Variants in NAT1 observed in about 807,000 individuals in gnomAD.
NAT1 encodes the protein N-acetyltransferase 1, also known as arylamine N-acetyltransferase 1.
For synonymous variants in NAT1, 144 were observed against 122.6 expected (o/e 1.17, Z -1.16); for missense variants, 400 against 339.2 (o/e 1.18, Z -1.41).
chr8:18,195,589 A>G (rs539136503), intron 2 of NAT1, among the ~76,000 whole-genome samples: 15 of 152,286 alleles, frequency 9.8e-5, no homozygotes, highest in African/African-American at 2.9e-4. Context: ...TGACTGGCAG[A>G]CTTACTTTTT....
chr8:18,193,636 T>A (rs1803111872), intron 2 of NAT1, among the ~76,000 whole-genome samples: 1 of 130,604 alleles, frequency 7.7e-6, no homozygotes, highest in African/African-American at 2.9e-5. Context: ...ACCTGCTTTT[T>A]TTTTTTTTTT....
chr8:18,222,097 AC>A lies in NAT1; in HGVS notation c.51del (p.Asn17LysfsTer8), dbSNP rs771386017. On this transcript the variant is annotated frameshift_variant, in exon 3 of 3. Coordinates refer to ENST00000307719, the MANE Select transcript of NAT1 (RefSeq NM_000662.8). LOFTEE classifies it low-confidence loss of function (END_TRUNC). The part of the protein sequence containing the change: ...LERIGYKKSR[N>X]KLDLETLTDI... Reference sequence around the variant, plus strand: ...AGAATTGGCTATAAGAAGTCTAGGAACAAATTGGACTTGGAAACATTAACTG... The same window carrying A: ...AGAATTGGCTATAAGAAGTCTAGGAAAAATTGGACTTGGAAACATTAACTG... 6.2e-7 allele frequency: 1 copy of A among 1,614,172 alleles called. No homozygotes were observed. The highest frequency in any genetic ancestry group is 1.7e-5 in the Admixed American group (1 of 60,026).
intron 2 of NAT1, among the ~76,000 whole-genome samples, chr8:18,184,216 C>G (rs905907367): frequency 5.3e-5 from 8 of 152,208 alleles, no homozygotes; most frequent in Non-Finnish European, 1.2e-4. Flanking sequence ...CTATGTGAGC[C>G]TGCAGAATTA....
intron 2 of NAT1, among the ~76,000 whole-genome samples, chr8:18,182,163 C>G (rs1802548231): frequency 6.6e-6 from 1 of 152,130 alleles, no homozygotes; most frequent in Non-Finnish European, 1.5e-5. Context: ...ACTGTGATAG[C>G]TCACCTGATT....
chr8:18,171,582 T>A (rs1802098352), intron 2 of NAT1, among the ~76,000 whole-genome samples: 1 of 152,134 alleles, frequency 6.6e-6, no homozygotes, highest in South Asian at 2.1e-4. Flanking sequence ...GTTGAAAACC[T>A]CTTACATTTA....
At chr8:18,174,250 G>A (rs1363045609) in intron 2 of NAT1, among the ~76,000 whole-genome samples, 2 of 152,126 alleles carry the variant, frequency 1.3e-5, no homozygotes, top group African/African-American at 4.8e-5. Flanking sequence ...TTCAGTGACT[G>A]GACTTATATC....
intron 2 of NAT1, among the ~76,000 whole-genome samples, chr8:18,190,713 G>T (rs941516595): frequency 2.6e-5 from 4 of 152,052 alleles, no homozygotes; most frequent in Non-Finnish European, 5.9e-5. Flanking sequence ...AAGCAAGCTG[G>T]CCCTGACATC....
At chr8:18,186,745 C>T (rs184271181) in intron 2 of NAT1, among the ~76,000 whole-genome samples, 7 of 152,290 alleles carry the variant, frequency 4.6e-5, no homozygotes, top group African/African-American at 9.6e-5. Context: ...CAGATCGCAA[C>T]ATGCCCCTTC....
chr8:18,206,280 C>G (rs1054019243), upstream of NAT1, among the ~76,000 whole-genome samples: 1 of 152,200 alleles, frequency 6.6e-6, no homozygotes, highest in Non-Finnish European at 1.5e-5. Flanking sequence ...AGGTTTCCCC[C>G]TCTCAGTCCA....
intron 2 of NAT1, among the ~76,000 whole-genome samples, chr8:18,194,568 C>T (rs1240365251): frequency 2.6e-5 from 4 of 152,030 alleles, no homozygotes; most frequent in Non-Finnish European, 5.9e-5. Flanking sequence ...CACCTGTAAT[C>T]CCAGTACTTT....
chr8:18,182,178 T>C (rs1159400688), intron 2 of NAT1, among the ~76,000 whole-genome samples: 2 of 152,188 alleles, frequency 1.3e-5, no homozygotes, highest in Admixed American at 1.3e-4. Context: ...CTGATTTCTT[T>C]AGCTCTTTTG....
chr8:18,183,122 C>T (rs1371728829), intron 2 of NAT1, among the ~76,000 whole-genome samples: 1 of 152,108 alleles, frequency 6.6e-6, no homozygotes, highest in Non-Finnish European at 1.5e-5. Flanking sequence ...AATGCACCAA[C>T]CAGAGGGGAG....
At chr8:18,213,272 T>C (rs1804291895) in intron 1 of NAT1, among the ~76,000 whole-genome samples, 1 of 152,096 alleles carries the variant, frequency 6.6e-6, no homozygotes, top group South Asian at 2.1e-4. Flanking sequence ...TCAATGTTTT[T>C]TGTCTAAAAA....
At chr8:18,219,286 G>GAA (rs1805033690) in intron 1 of NAT1, 125 bp from the exon 2 acceptor site, 1 of 645,554 alleles carries the variant, frequency 1.5e-6, no homozygotes, top group Admixed American at 2.8e-5. Flanking sequence ...ACTTTACTGT[G>GAA]CAGTCCATTC....
intron 2 of NAT1, among the ~76,000 whole-genome samples, chr8:18,199,577 G>C (rs897834000): frequency 1.3e-5 from 2 of 152,120 alleles, no homozygotes; most frequent in African/African-American, 4.8e-5. Flanking sequence ...TGGAAGGTTT[G>C]CCTTCAGTCT....
intron 2 of NAT1, among the ~76,000 whole-genome samples, chr8:18,188,309 T>C (rs1328103569): frequency 6.6e-6 from 1 of 152,206 alleles, no homozygotes; most frequent in Non-Finnish European, 1.5e-5. Context: ...CAGCTTTATG[T>C]CAACTTTGAC....
chr8:18,222,032 C>T lies in NAT1; in HGVS notation c.-6-10C>T. The T allele has an allele frequency of 3.2e-6, 5 of 1,585,044 alleles. No homozygotes were observed. Among genetic ancestry groups the T allele is most frequent in the Non-Finnish European group, 4.3e-6 (5 of 1,165,420 alleles). ...AAATGATTTGCTTTCGTTTTGTTTT[C>T]CTTGCTTAGGGGATCATGGACATTG... On this transcript the variant is annotated splice_polypyrimidine_tract_variant and intron_variant, in intron 2 of 2. Transcript: ENST00000307719.
In NAT1 at chr8:18,222,573, C is replaced by A. The variant is rs765738013; in HGVS notation, c.526C>A (p.Leu176Ile). 6.2e-7 allele frequency: 1 copy of A among 1,614,014 alleles called. No individual in the cohort carries two copies. Among genetic ancestry groups the A allele is most frequent in the Non-Finnish European group, 8.5e-7 (1 of 1,179,968 alleles). The change falls in exon 3 of 3, where the codon CTT becomes ATT. Residue 176 changes from leucine (L) to isoleucine (I), a missense_variant. By Grantham distance (5) the Leu-to-Ile change is conservative (BLOSUM62 2). Transcript: ENST00000307719. ...ACAGTACATTCCAAATGAAGAATTT[C>A]TTCATTCTGATCTCCTAGAAGACAG... is the stretch of plus-strand genomic sequence containing the variant. ...REQYIPNEEF[L>I]HSDLLEDSKY...
At chr8:18,217,745 G>A (rs1236419499) in intron 1 of NAT1, among the ~76,000 whole-genome samples, 1 of 152,110 alleles carries the variant, frequency 6.6e-6, no homozygotes, top group East Asian at 1.9e-4. Flanking sequence ...TGGGTGCCTG[G>A]GTATTACAAT....
Sources: gnomAD v4.1 joint callset for allele counts (sites outside exome capture counted in the v4.1 genomes callset) on GRCh38, gnomAD v4.1.1 for gene constraint, MANE v1.5 for transcripts, NCBI Gene and HGNC (gene_info 2026-07-23, HGNC 2026-07-21) for gene names.